Variants in SGCD observed in about 807,000 individuals in gnomAD.
SGCD encodes the protein sarcoglycan delta.
SGCD carries 18 observed loss-of-function variants against 36.6 expected under a neutral mutation model. That is an observed-to-expected ratio of 0.49 (90% confidence interval 0.34 to 0.73). The LOEUF (loss-of-function observed/expected upper bound fraction) is 0.73. Among genes scored for constraint, SGCD ranks in the 30% least tolerant of loss-of-function variants. The probability of loss-of-function intolerance (pLI) is 0.01; values close to 1 mark genes in which losing one functional copy is unlikely to be tolerated. For synonymous variants in SGCD, 133 were observed against 130.6 expected, an observed-to-expected ratio of 1.02 and a Z score of -0.12; for missense variants, 387 against 346.7, an observed-to-expected ratio of 1.12 and a Z score of -0.92.
chr5:155,992,535 T>C (rs1236096921), intron 1 of SGCD, among the ~76,000 whole-genome samples: 2 of 152,164 alleles, frequency 1.3e-5, no homozygotes, highest in South Asian at 2.1e-4. Flanking sequence ...GAAAATGTAA[T>C]GCCAAGAGAA....
intron 1 of SGCD, among the ~76,000 whole-genome samples, chr5:155,908,294 G>T (rs11954882): frequency 0.012 from 1,805 of 152,096 alleles, 32 homozygotes; most frequent in African/African-American, 0.041. Context: ...CTTAGTGTAT[G>T]CTTGTATTTT....
At chr5:156,262,422 G>A (rs904855632) in intron 3 of SGCD, among the ~76,000 whole-genome samples, 2 of 152,052 alleles carry the variant, frequency 1.3e-5, no homozygotes, top group Admixed American at 6.6e-5. Flanking sequence ...GTGTGTATTA[G>A]GCTCTATCAT....
chr5:155,947,293 TTGTGTGTGTGTGTGTG>T (rs56192140), intron 1 of SGCD, among the ~76,000 whole-genome samples: 326 of 138,970 alleles, frequency 2.3e-3, no homozygotes, highest in Admixed American at 3.2e-3. Flanking sequence ...ATAAATACTC[TTGTGTGTGTGTGTGTG>T]TGTGTGTGTG....
chr5:156,058,659 A>G lies in SGCD; in HGVS notation c.-281-59219A>G, dbSNP rs186664776. Among the ~76,000 whole-genome samples, 5 of 146,892 alleles carry G rather than the reference A, an allele frequency of 3.4e-5. 1 individual carries two copies. Among genetic ancestry groups the G allele is most frequent in the Admixed American group, 6.8e-5 (1 of 14,670 alleles). On this transcript the variant is annotated intron_variant, in intron 1 of 9. Coordinates refer to the SGCD transcript ENST00000517913. ...GGAGACAGTTGGAAATATGAATGTT[A>G]AATATGGATATTTAATAATATTAGC...
intron 7 of SGCD, among the ~76,000 whole-genome samples, chr5:156,653,934 C>T (rs976343554): frequency 2.0e-5 from 3 of 151,964 alleles, no homozygotes; most frequent in Non-Finnish European, 2.9e-5. Flanking sequence ...TGAGGTGAAG[C>T]AAAAGTGGTC....
At chr5:156,090,556 T>C (rs541579410) in intron 1 of SGCD, among the ~76,000 whole-genome samples, 22 of 152,284 alleles carry the variant, frequency 1.4e-4, no homozygotes, top group African/African-American at 5.3e-4. Context: ...AAATTAGAAT[T>C]ACTGATAAAG....
chr5:155,996,120 T>C (rs907397894), intron 1 of SGCD, among the ~76,000 whole-genome samples: 4 of 152,106 alleles, frequency 2.6e-5, no homozygotes, highest in Non-Finnish European at 4.4e-5. Context: ...TGTTTGTTTT[T>C]TTAACATTTG....
chr5:156,368,313 G>A (rs1770212988), intron 3 of SGCD, among the ~76,000 whole-genome samples: 1 of 152,012 alleles, frequency 6.6e-6, no homozygotes, highest in African/African-American at 2.4e-5. Context: ...GGCTGATCTT[G>A]AACTCCTGAC....
chr5:156,248,678 T>G (rs1308146268), intron 3 of SGCD, among the ~76,000 whole-genome samples: 1 of 152,184 alleles, frequency 6.6e-6, no homozygotes, highest in African/African-American at 2.4e-5. Context: ...ACGATAGCAA[T>G]CCACTGAAGC....
chr5:156,371,931 T>G (rs1770409170), intron 3 of SGCD, among the ~76,000 whole-genome samples: 1 of 152,250 alleles, frequency 6.6e-6, no homozygotes, highest in Non-Finnish European at 1.5e-5. Flanking sequence ...GTGTAGCAAC[T>G]AACATGTCAG....
intron 3 of SGCD, among the ~76,000 whole-genome samples, chr5:156,378,832 G>A (rs1217881676): frequency 1.3e-5 from 2 of 152,086 alleles, no homozygotes; most frequent in South Asian, 4.1e-4. Flanking sequence ...TGGACAAAAT[G>A]TATAGAGTTC....
the SGCD span, among the ~76,000 whole-genome samples, chr5:155,729,053 G>A: frequency 2.0e-5 from 3 of 152,266 alleles, no homozygotes; most frequent in African/African-American, 7.2e-5. Context: ...GGACGGCAAA[G>A]AGACGGGAGA....
intron 3 of SGCD, among the ~76,000 whole-genome samples, chr5:156,234,497 A>G (rs1043866991): frequency 3.9e-5 from 6 of 152,212 alleles, no homozygotes; most frequent in African/African-American, 1.4e-4. Flanking sequence ...CATGTGCCAC[A>G]CAGTTTAAAA....
intron 7 of SGCD, among the ~76,000 whole-genome samples, chr5:156,692,685 C>A (rs370067622): frequency 3.9e-5 from 6 of 152,142 alleles, no homozygotes; most frequent in African/African-American, 1.2e-4. Context: ...GCCTAACGTG[C>A]CTTGGTTGTT....
intron 4 of SGCD, among the ~76,000 whole-genome samples, chr5:156,522,112 G>A (rs556234490): frequency 4.7e-4 from 71 of 152,098 alleles, no homozygotes; most frequent in Non-Finnish European, 4.9e-4. Flanking sequence ...ACCAAACACC[G>A]CATGTTCTCA....
intron 1 of SGCD, among the ~76,000 whole-genome samples, chr5:156,045,186 C>T (rs1035335518): frequency 1.3e-5 from 2 of 152,152 alleles, no homozygotes; most frequent in African/African-American, 4.8e-5. Context: ...CCCTCATGAC[C>T]TAATCACCTC....
chr5:156,580,327 C>A (rs79053140), intron 4 of SGCD, among the ~76,000 whole-genome samples: 1 of 152,188 alleles, frequency 6.6e-6, no homozygotes, highest in Non-Finnish European at 1.5e-5. Flanking sequence ...CCCAACCGTT[C>A]TCTTTGGCTG....
At chr5:156,305,075 T>C (rs553691590) in intron 3 of SGCD, among the ~76,000 whole-genome samples, 2 of 152,270 alleles carry the variant, frequency 1.3e-5, no homozygotes, top group African/African-American at 4.8e-5. Flanking sequence ...GACAATGCAA[T>C]AGAAAAGAAA....
rs919044039 is a variant in SGCD at position 155,915,148 on chromosome 5, G to A, written c.-282+44724G>A. Among the ~76,000 whole-genome samples the A allele has an allele frequency of 5.9e-5, 9 of 152,114 alleles. 1 individual carries two copies. Among genetic ancestry groups the A allele is most frequent in the Non-Finnish European group, 8.8e-5 (6 of 68,006 alleles). The stretch of plus-strand genomic sequence containing the variant: ...ATAAAGCATATTAAAACAACCCAAA[G>A]CAGTGATTCTCAGCCTTTTCCTCAT... On this transcript the variant is annotated intron_variant, in intron 1 of 9. Coordinates refer to the SGCD transcript ENST00000517913.
Sources: allele counts gnomAD v4.1 joint callset (sites outside exome capture counted in the v4.1 genomes callset), GRCh38; gene constraint gnomAD v4.1.1; transcripts MANE v1.5; gene names NCBI Gene and HGNC (gene_info 2026-07-23, HGNC 2026-07-21).